LRP2: variants seen among roughly 807,000 people sequenced by gnomAD.
The protein encoded by LRP2 is low-density lipoprotein receptor-related protein 2.
LRP2 carries 172 observed loss-of-function variants against 531.0 expected under a neutral mutation model. The ratio of observed to expected loss-of-function variants is 0.32; its 90% CI spans 0.29 to 0.37. LRP2 has a LOEUF of 0.37. Among genes scored for constraint, LRP2 ranks in the 10% least tolerant of loss-of-function variants. The probability of loss-of-function intolerance (pLI) is 1.00; values close to 1 mark genes in which losing one functional copy is unlikely to be tolerated. For missense variants in LRP2, 5,167 were observed against 5,868.3 expected (o/e 0.88, Z 3.90); for synonymous variants, 1,992 against 2,027.6 (o/e 0.98, Z 0.47).
intron 1 of LRP2, among the ~76,000 whole-genome samples, chr2:169,346,415 T>C (rs142597216): frequency 0.011 from 1,734 of 152,222 alleles, 12 homozygotes; most frequent in Non-Finnish European, 0.018. Flanking sequence ...AATTCTTATA[T>C]CAGAAGTGAC....
intron 76 of LRP2, among the ~76,000 whole-genome samples, chr2:169,136,082 C>A (rs1213394415): frequency 1.3e-5 from 2 of 152,110 alleles, no homozygotes; most frequent in Admixed American, 1.3e-4. Flanking sequence ...CCTTTAATAC[C>A]TGTTTTTCTC....
intron 16 of LRP2, among the ~76,000 whole-genome samples, chr2:169,267,708 G>A (rs904093871): frequency 3.3e-5 from 5 of 152,090 alleles, no homozygotes; most frequent in Non-Finnish European, 7.4e-5. Context: ...AGAGAAGCGA[G>A]AGCAAACACA....
At chr2:169,356,324 C>T (rs2105584215) in intron 1 of LRP2, among the ~76,000 whole-genome samples, 1 of 152,292 alleles carries the variant, frequency 6.6e-6, no homozygotes, top group South Asian at 2.1e-4. Flanking sequence ...TAACAACATG[C>T]ACAGGTGCAT....
intron 1 of LRP2, among the ~76,000 whole-genome samples, chr2:169,345,629 G>A (rs1438611895): frequency 1.3e-5 from 2 of 151,808 alleles, no homozygotes; most frequent in Non-Finnish European, 2.9e-5. Context: ...CACACACACA[G>A]CAATTTTAGC....
chr2:169,277,829 G>A lies in LRP2; in HGVS notation c.1688C>T (p.Thr563Ile). The part of the protein sequence containing the change: ...KTKLGWPAGV[T>I]LDMISKRVYW... ...AACACGCTTCGATATCATATCCAGA[G>A]TTACCCCAGCAGGCCATCCCAGCTT... Residue 563 changes from threonine (T) to isoleucine (I), a missense_variant, in exon 13 of 79, where the codon ACT (threonine) becomes ATT (isoleucine). By Grantham distance (89) the Thr-to-Ile change is moderately conservative (BLOSUM62 -1). Transcript: ENST00000649046. 6.2e-7 allele frequency: 1 copy of A among 1,614,100 alleles called. No homozygotes were observed.
At chr2:169,326,216 C>T in intron 1 of LRP2, among the ~76,000 whole-genome samples, 1 of 125,026 alleles carries the variant, frequency 8.0e-6, no homozygotes, top group South Asian at 3.0e-4. Flanking sequence ...CTCCCCTCTC[C>T]CTCTCGGTCT....
intron 16 of LRP2, among the ~76,000 whole-genome samples, chr2:169,263,746 G>T (rs552975472): frequency 6.6e-6 from 1 of 152,106 alleles, no homozygotes; most frequent in Non-Finnish European, 1.5e-5. Context: ...GCATTACTGG[G>T]TATATACCCA....
In LRP2 at chr2:169,256,285, C is replaced by A. The variant is rs747794591; in HGVS notation, c.2640-49G>T. On this transcript the variant is annotated intron_variant, in intron 18 of 78. Transcript: ENST00000649046. The stretch of plus-strand genomic sequence containing the variant: ...ATCTCTTATCCAAAAACTATCAGAG[C>A]ACCCTTTACACAAAGGGCATCCAAA... The A allele has an allele frequency of 5.2e-6, 8 of 1,537,890 alleles. No homozygotes were observed. In the African/African-American group the frequency reaches 1.1e-4, roughly 21 times the overall value.
At position 169,193,979 on chromosome 2, in the gene LRP2, T is replaced by C. The variant is rs1035507823; in HGVS notation, c.8699-87A>G. ...CAAGCTGGTTGTAGCATGGGTTGTC[T>C]AGAAAACCTGAAACAGAGCATTATT... is the stretch of plus-strand genomic sequence containing the variant. On this transcript the variant is annotated intron_variant, in intron 46 of 78. Coordinates refer to ENST00000649046, the MANE Select transcript of LRP2 (RefSeq NM_004525.3). 27 of 1,457,910 alleles carry C rather than the reference T, an allele frequency of 1.9e-5. No homozygotes were observed. The African/African-American group carries it at 3.6e-4, about 20-fold the overall frequency. The allele number at this position is 1,457,910 out of a possible 1,614,324, so 90.3% of individuals were successfully genotyped here. A position where few individuals can be genotyped will look rare whatever the true frequency, so the allele number is the denominator to read the frequency against.
chr2:169,300,106 C>T (rs192261198), intron 4 of LRP2, among the ~76,000 whole-genome samples: 1 of 152,218 alleles, frequency 6.6e-6, no homozygotes, highest in East Asian at 1.9e-4. Context: ...ATTCCCACAG[C>T]ATTTTATTAA....
chr2:169,327,182 T>C (rs1479053430), intron 1 of LRP2, among the ~76,000 whole-genome samples: 1 of 105,272 alleles, frequency 9.5e-6, no homozygotes, highest in Non-Finnish European at 1.9e-5. Context: ...AGGAGGGAGG[T>C]GGGGGGGTCA....
At chr2:169,254,643 TAA>T (rs528767921) in intron 19 of LRP2, among the ~76,000 whole-genome samples, 2 of 73,256 alleles carry the variant, frequency 2.7e-5, no homozygotes, top group African/African-American at 6.0e-5. Context: ...TAGAGTATAA[TAA>T]AAAAAAAAAA....
At chr2:169,181,942 A>C (rs1019530401) in intron 51 of LRP2, among the ~76,000 whole-genome samples, 2 of 152,224 alleles carry the variant, frequency 1.3e-5, no homozygotes, top group African/African-American at 4.8e-5. Context: ...CAGGACTTGA[A>C]AAGTGCAAAA....
chr2:169,285,676 A>G lies in LRP2; in HGVS notation c.1043-2675T>C, dbSNP rs994739800. Among the ~76,000 whole-genome samples the G allele has an allele frequency of 2.0e-5, 3 of 151,994 alleles. No individual in the cohort carries two copies. The East Asian group carries it at 5.8e-4, about 29-fold the overall frequency. ...GTGTGAAACCCCACCATGCTGAATG[A>G]CCTCCCTGCCCTCACTCTGCACCAC... On this transcript the variant is annotated intron_variant, in intron 9 of 78. Transcript: ENST00000649046.
intron 16 of LRP2, among the ~76,000 whole-genome samples, chr2:169,259,919 AAAAG>A (rs1482561297): frequency 6.6e-6 from 1 of 152,130 alleles, no homozygotes; most frequent in Admixed American, 6.6e-5. Flanking sequence ...GCAAATTGTG[AAAAG>A]AAAGTTCTCT....
At chr2:169,236,204 G>A in intron 28 of LRP2, 136 bp from the exon 29 acceptor site, 2 of 742,922 alleles carry the variant, frequency 2.7e-6, no homozygotes, top group African/African-American at 1.7e-5. Flanking sequence ...TATTCACAGA[G>A]TTTATTGTTT....
At chr2:169,180,593 C>T (rs9287910) in intron 52 of LRP2, among the ~76,000 whole-genome samples, 110,875 of 152,104 alleles carry the variant, frequency 0.73, 40,661 homozygotes, top group South Asian at 0.85. Context: ...CCCCAGGGAG[C>T]ATGGTGTTAG....
At chr2:169,222,267 C>T (rs1375338225) in intron 33 of LRP2, among the ~76,000 whole-genome samples, 2 of 152,112 alleles carry the variant, frequency 1.3e-5, no homozygotes, top group Non-Finnish European at 2.9e-5. Context: ...TTGAGGGAAA[C>T]AGCGCTCTGT....
At chr2:169,332,741 G>A (rs73028152) in intron 1 of LRP2, among the ~76,000 whole-genome samples, 5,047 of 152,126 alleles carry the variant, frequency 0.033, 280 homozygotes, top group African/African-American at 0.11. Flanking sequence ...ACACACATAC[G>A]TACATGCACA....
Sources: gnomAD v4.1 joint callset for allele counts (sites outside exome capture counted in the v4.1 genomes callset) on GRCh38, gnomAD v4.1.1 for gene constraint, MANE v1.5 for transcripts, NCBI Gene and HGNC (gene_info 2026-07-23, HGNC 2026-07-21) for gene names.